The following SYNE2 variants were observed in gnomAD, a reference collection of about 807,000 sequenced individuals.
SYNE2 encodes the protein nesprin-2.
In SYNE2, 431 loss-of-function variants were observed where a neutral mutation model predicts 856.3. The ratio of observed to expected loss-of-function variants is 0.50; its 90% CI spans 0.47 to 0.55. SYNE2 has a LOEUF of 0.55. Among genes scored for constraint, SYNE2 ranks in the 20% least tolerant of loss-of-function variants. The pLI is 0.00. For synonymous variants in SYNE2, 2,923 were observed against 2,872.3 expected (o/e 1.02, Z -0.56); for missense variants, 8,129 against 8,023.2 (o/e 1.01, Z -0.50).
chr14:63,964,289 G>T (rs1469847611), intron 10 of SYNE2, among the ~76,000 whole-genome samples: 2 of 152,162 alleles, frequency 1.3e-5, no homozygotes, highest in African/African-American at 4.8e-5. Flanking sequence ...GGAGTACTTT[G>T]AGCAGCATGG....
At chr14:64,018,025 T>G (rs2096906978) in intron 34 of SYNE2, among the ~76,000 whole-genome samples, 2 of 152,234 alleles carry the variant, frequency 1.3e-5, no homozygotes, top group South Asian at 4.1e-4. Flanking sequence ...TTTAATATTT[T>G]GATAACTATC....
At chr14:64,156,314 A>C (rs891210506) in intron 85 of SYNE2, among the ~76,000 whole-genome samples, 1 of 152,210 alleles carries the variant, frequency 6.6e-6, no homozygotes, top group African/African-American at 2.4e-5. Flanking sequence ...TTGTGTTGAC[A>C]TGTATATATG....
At chr14:64,067,450 C>T (rs1401644848) in intron 51 of SYNE2, among the ~76,000 whole-genome samples, 2 of 152,286 alleles carry the variant, frequency 1.3e-5, no homozygotes, top group East Asian at 3.9e-4. Flanking sequence ...ATGATATTTA[C>T]ATACATCAAA....
At chr14:64,067,800 T>C (rs1438552118) in intron 51 of SYNE2, among the ~76,000 whole-genome samples, 2 of 152,240 alleles carry the variant, frequency 1.3e-5, no homozygotes, top group African/African-American at 4.8e-5. Context: ...TTATTCAGAA[T>C]CATCATTTTA....
At position 64,162,270 on chromosome 14, in the gene SYNE2, C is replaced by T; in HGVS notation, c.16293C>T (p.Asp5431=). 1 of 1,614,118 alleles carries T rather than the reference C, an allele frequency of 6.2e-7. No individual in the cohort carries two copies. Among genetic ancestry groups the T allele is most frequent in the Non-Finnish European group, 8.5e-7 (1 of 1,179,982 alleles). ...LAEILPPALQ[D]IKELQHDVQK... ...AGATCCTGCCCCCAGCCCTGCAGGACATAAAGGTGGGTACAAAGCCCATTT... is the reference window on the plus strand; with the variant it reads ...AGATCCTGCCCCCAGCCCTGCAGGATATAAAGGTGGGTACAAAGCCCATTT... The change falls in exon 88 of 116, where the codon GAC becomes GAT. Residue 5431 remains aspartate, a synonymous_variant. Transcript: ENST00000555002.
intron 1 of SYNE2, among the ~76,000 whole-genome samples, chr14:63,820,435 T>G (rs1889172125): frequency 6.6e-6 from 1 of 152,194 alleles, no homozygotes; most frequent in Admixed American, 6.6e-5. Flanking sequence ...AATTTGAACC[T>G]AAAACTATAA....
intron 16 of SYNE2, 127 bp from the exon 17 acceptor site, chr14:63,982,503 G>C (rs2096593250): frequency 2.2e-6 from 2 of 899,888 alleles, no homozygotes; most frequent in African/African-American, 2.0e-5. Context: ...CTGGGCAACA[G>C]AGCAAGACTC....
rs544956694 is a variant in SYNE2, at chr14:64,221,314, A to T, written c.20062-262A>T. Among the ~76,000 whole-genome samples, 23 of 152,222 alleles carry T rather than the reference A, an allele frequency of 1.5e-4. 1 individual carries two copies. In the South Asian group the frequency reaches 4.8e-3, roughly 32 times the overall value. ...GGAATGCGTGTGGCCTTCATATATA[A>T]AATCAGCTGGGCATCCCAAAGCCCT... is the stretch of plus-strand genomic sequence containing the variant. On this transcript the variant is annotated intron_variant, in intron 111 of 115. Transcript: ENST00000555002.
chr14:64,135,405 A>T (rs1457203837), intron 78 of SYNE2, among the ~76,000 whole-genome samples: 2 of 151,678 alleles, frequency 1.3e-5, no homozygotes, highest in African/African-American at 2.4e-5. Context: ...TATACTCCCT[A>T]GATGCCTGGA....
intron 106 of SYNE2, among the ~76,000 whole-genome samples, 162 bp from the exon 107 acceptor site, chr14:64,215,124 T>G (rs1164984715): frequency 6.6e-6 from 1 of 151,916 alleles, no homozygotes; most frequent in Non-Finnish European, 1.5e-5. Context: ...CAGTCAGGAG[T>G]TGGCTGGAAA....
chr14:63,813,543 C>T (rs1272971512), intron 1 of SYNE2, among the ~76,000 whole-genome samples: 1 of 152,210 alleles, frequency 6.6e-6, no homozygotes, highest in Non-Finnish European at 1.5e-5. Context: ...ACCTGTAATC[C>T]CAACACTTTG....
At chr14:64,219,136 C>A in intron 109 of SYNE2, 72 bp from the exon 110 acceptor site, 3 of 1,115,952 alleles carry the variant, frequency 2.7e-6, no homozygotes, top group Non-Finnish European at 2.6e-6. Context: ...ACCACCCTGA[C>A]CCCTAATTAG....
At chr14:63,811,157 A>T (rs936144368) in intron 1 of SYNE2, among the ~76,000 whole-genome samples, 12 of 152,062 alleles carry the variant, frequency 7.9e-5, no homozygotes, top group East Asian at 5.8e-4. Flanking sequence ...TCTTATTTTC[A>T]TGGCAATATA....
intron 1 of SYNE2, among the ~76,000 whole-genome samples, chr14:63,886,605 T>G (rs1322799544): frequency 6.6e-6 from 1 of 152,222 alleles, no homozygotes; most frequent in Non-Finnish European, 1.5e-5. Flanking sequence ...TGACAGAATT[T>G]ATCTTGTACT....
chr14:64,007,360 C>A, intron 31 of SYNE2, 138 bp downstream of exon 31: 1 of 822,468 alleles, frequency 1.2e-6, no homozygotes. Context: ...CTGGAGTTCA[C>A]AGGGCCAGTG....
At position 64,049,858 on chromosome 14, in the gene SYNE2, A is replaced by G; in HGVS notation, c.7625A>G (p.Asp2542Gly). Residue 2542 changes from aspartate to glycine, a missense_variant, in exon 47 of 116, where the codon GAC becomes GGC. Physicochemically the swap from Asp to Gly is moderately conservative, Grantham distance 94 (BLOSUM62 -1). Around this residue, in one of 3 missense-constraint regions of SYNE2, gnomAD observed 5,410 missense variants for 5,284.8 expected, o/e 1.02. Transcript: ENST00000555002. ...VESSMKALLT[D>G]KESLKVGPLD... is the part of the protein sequence containing the mutation. ...TCTTCAATGAAAGCCTTGTTGACAG[A>G]CAAGGAAAGTCTTAAAGTGTAAGTG... 1 of 1,614,100 alleles carries G rather than the reference A, an allele frequency of 6.2e-7. No individual in the cohort carries two copies. Among genetic ancestry groups the G allele is most frequent in the Non-Finnish European group, 8.5e-7 (1 of 1,179,972 alleles).
chr14:64,211,170 G>C (rs1389770653), intron 103 of SYNE2, among the ~76,000 whole-genome samples: 4 of 152,122 alleles, frequency 2.6e-5, no homozygotes, highest in African/African-American at 9.7e-5. Flanking sequence ...GTGGAAATGG[G>C]GTCTCACTAT....
At chr14:63,920,990 C>A (rs2095593932) in intron 2 of SYNE2, among the ~76,000 whole-genome samples, 1 of 152,006 alleles carries the variant, frequency 6.6e-6, no homozygotes, top group African/African-American at 2.4e-5. Context: ...TGGCATGCAC[C>A]TGTAATCTCA....
intron 51 of SYNE2, among the ~76,000 whole-genome samples, chr14:64,069,401 C>T (rs1204272475): frequency 1.3e-5 from 2 of 152,160 alleles, no homozygotes; most frequent in Non-Finnish European, 2.9e-5. Flanking sequence ...GCACCCATTG[C>T]GCACACCTAG....
Sources: allele counts gnomAD v4.1 joint callset (sites outside exome capture counted in the v4.1 genomes callset), GRCh38; gene constraint gnomAD v4.1.1; regional missense constraint gnomAD v4.1.1; transcripts MANE v1.5; gene names NCBI Gene and HGNC (gene_info 2026-07-23, HGNC 2026-07-21).